Variants in CUL3 observed in about 807,000 individuals in gnomAD.
CUL3 encodes cullin-3.
Under a neutral mutation model 89.1 loss-of-function variants are expected in CUL3, and 19 were observed. The ratio of observed to expected loss-of-function variants is 0.21; its 90% CI spans 0.15 to 0.31. The LOEUF is 0.31. CUL3 is among the 10% of genes least tolerant of loss of function. The probability of loss-of-function intolerance (pLI) is 1.00; values close to 1 mark genes in which losing one functional copy is unlikely to be tolerated. For missense variants in CUL3, 469 were observed against 942.3 expected (o/e 0.50, Z 6.58); for synonymous variants, 351 against 308.4 (o/e 1.14, Z -1.45).
chr2:224,496,629 A>C (rs1692179729), intron 12 of CUL3, among the ~76,000 whole-genome samples: 1 of 152,078 alleles, frequency 6.6e-6, no homozygotes, highest in Admixed American at 6.6e-5. Context: ...TACCACCAAA[A>C]GTAACAGGAT....
rs1315042492 is a variant in CUL3, at chr2:224,470,297, T to C, written c.*3948A>G. The C allele has an allele frequency of 8.9e-6, 2 of 225,100 alleles. No individual in the cohort carries two copies. Among genetic ancestry groups the C allele is most frequent in the Admixed American group, 5.7e-5 (1 of 17,516 alleles). 13.9% of individuals were successfully genotyped at this position (225,100 alleles called of 1,614,324 possible). On this transcript the variant is annotated 3_prime_UTR_variant, in exon 16 of 16. Transcript: ENST00000264414. ...ATACACGTTTACTTTGAGCTGCTCA[T>C]GTATAATTTTAAAGCTATTTTTGCA...
intron 1 of CUL3, among the ~76,000 whole-genome samples, chr2:224,565,588 G>A (rs1463863545): frequency 6.6e-6 from 1 of 152,168 alleles, no homozygotes; most frequent in Non-Finnish European, 1.5e-5. Context: ...AGTCCATGTC[G>A]TAAAAGTCAA....
At chr2:224,516,220 G>C (rs1693038004) in intron 3 of CUL3, among the ~76,000 whole-genome samples, 1 of 151,842 alleles carries the variant, frequency 6.6e-6, no homozygotes, top group African/African-American at 2.4e-5. Flanking sequence ...AGTTCAAAAT[G>C]CTTATTGATG....
intron 1 of CUL3, among the ~76,000 whole-genome samples, chr2:224,558,678 C>G (rs984900529): frequency 6.6e-6 from 1 of 152,118 alleles, no homozygotes; most frequent in African/African-American, 2.4e-5. Context: ...TTAACAAGAA[C>G]CCAATGTAAT....
At chr2:224,577,015 T>C (rs1367780198) in intron 1 of CUL3, among the ~76,000 whole-genome samples, 1 of 152,206 alleles carries the variant, frequency 6.6e-6, no homozygotes, top group Non-Finnish European at 1.5e-5. Context: ...ACTTAAGTTC[T>C]AGAAGTTGTA....
rs1001935585 is a variant in CUL3, at chr2:224,473,867, A to G, written c.*378T>C. 4.6e-6 allele frequency: 1 copy of G among 216,254 alleles called. No individual in the cohort carries two copies. The highest frequency in any genetic ancestry group is 9.3e-6 in the Non-Finnish European group (1 of 107,290). 13.4% of individuals were successfully genotyped at this position (216,254 alleles called of 1,614,324 possible). A position where few individuals can be genotyped will look rare whatever the true frequency, so the allele number is the denominator to read the frequency against. On this transcript the variant is annotated 3_prime_UTR_variant, in exon 16 of 16. Coordinates refer to ENST00000264414, the MANE Select transcript of CUL3 (RefSeq NM_003590.5). ...CACAATGCGCAAAGTGCTAAGCAACACTACAAAACACATTTACATCAACAC... is the reference window on the plus strand; with the variant it reads ...CACAATGCGCAAAGTGCTAAGCAACGCTACAAAACACATTTACATCAACAC...
At chr2:224,539,375 CTTTGGAAGGCAG>C (rs1463687382) in intron 2 of CUL3, among the ~76,000 whole-genome samples, 3 of 152,326 alleles carry the variant, frequency 2.0e-5, no homozygotes, top group South Asian at 2.1e-4. Context: ...GGTACAGTCA[CTTTGGAAGGCAG>C]TTTGGCAGTT....
chr2:224,509,274 C>T (rs1399824048), intron 6 of CUL3, among the ~76,000 whole-genome samples: 1 of 152,110 alleles, frequency 6.6e-6, no homozygotes, highest in African/African-American at 2.4e-5. Flanking sequence ...AGTGCAGTGG[C>T]ATCATCTTGG....
intron 2 of CUL3, among the ~76,000 whole-genome samples, chr2:224,537,380 T>A (rs535950716): frequency 6.6e-6 from 1 of 152,194 alleles, no homozygotes; most frequent in Non-Finnish European, 1.5e-5. Context: ...CCACATAATT[T>A]AGAATTTTAT....
intron 3 of CUL3, among the ~76,000 whole-genome samples, chr2:224,515,931 C>G (rs1406802829): frequency 6.6e-6 from 1 of 152,122 alleles, no homozygotes; most frequent in Non-Finnish European, 1.5e-5. Flanking sequence ...CTCAAGTGAT[C>G]TGCCCACCTT....
chr2:224,520,076 C>T (rs938897574), intron 3 of CUL3, among the ~76,000 whole-genome samples: 3 of 152,130 alleles, frequency 2.0e-5, no homozygotes, highest in African/African-American at 7.2e-5. Flanking sequence ...AAGTTGGTGG[C>T]TTTTTCTACT....
At chr2:224,554,412 G>GT (rs1206391725) in intron 2 of CUL3, among the ~76,000 whole-genome samples, 1 of 152,156 alleles carries the variant, frequency 6.6e-6, no homozygotes, top group Non-Finnish European at 1.5e-5. Context: ...TTTACAGACA[G>GT]TAAGTCCATT....
At position 224,585,048 on chromosome 2, in the gene CUL3, C is replaced by G; in HGVS notation, c.-39G>C. The G allele has an allele frequency of 6.9e-7, 1 of 1,454,836 alleles. No homozygotes were observed. The highest frequency in any genetic ancestry group is 9.2e-7 in the Non-Finnish European group (1 of 1,084,338). 90.1% of individuals were successfully genotyped at this position (1,454,836 alleles called of 1,614,324 possible). On this transcript the variant is annotated 5_prime_UTR_variant, in exon 1 of 16. Transcript: ENST00000264414. The stretch of plus-strand genomic sequence containing the variant: ...TCCCCGGCGGCGGCTTCAGGTCGCG[C>G]TCCGCGACGCCGGTGTCACATTTAA...
chr2:224,565,311 C>T lies in CUL3; in HGVS notation c.67-7455G>A, dbSNP rs572282077. Among the ~76,000 whole-genome samples the T allele has an allele frequency of 5.9e-5, 9 of 152,204 alleles. 1 individual carries two copies. The South Asian group carries it at 1.9e-3, about 32-fold the overall frequency. On this transcript the variant is annotated intron_variant, in intron 1 of 15. Transcript: ENST00000264414. ...AGTGGAAGTGGATTGTCATAAAGGTCCCCATCCTTCTGGTCTTCACATTCA... is the reference window on the plus strand; with the variant it reads ...AGTGGAAGTGGATTGTCATAAAGGTTCCCATCCTTCTGGTCTTCACATTCA...
At chr2:224,574,462 A>G (rs1695254421) in intron 1 of CUL3, among the ~76,000 whole-genome samples, 1 of 152,232 alleles carries the variant, frequency 6.6e-6, no homozygotes, top group African/African-American at 2.4e-5. Context: ...AAAAAGATTC[A>G]TTAATAATTA....
chr2:224,497,781 T>C lies in CUL3; in HGVS notation c.1679A>G (p.Asn560Ser). 1.2e-6 allele frequency: 2 copies of C among 1,613,850 alleles called. No homozygotes were observed. The highest frequency in any genetic ancestry group is 1.7e-6 in the Non-Finnish European group (2 of 1,179,742). Residue 560 changes from asparagine to serine, a missense_variant, in exon 12 of 16, where the codon AAT becomes AGT. This residue lies in a region of CUL3 where 370 missense variants were observed against 733.2 expected (regional missense o/e 0.50). Coordinates refer to ENST00000264414, the MANE Select transcript of CUL3 (RefSeq NM_003590.5). ...TTTAACTGGTCCATAAAATGTGGCA[T>C]TGAGATCTGCAGAACCCATATGATG... ...LQHHMGSADL[N>S]ATFYGPVKKE...
chr2:224,579,968 A>T (rs1695395859), intron 1 of CUL3, among the ~76,000 whole-genome samples: 1 of 152,222 alleles, frequency 6.6e-6, no homozygotes, highest in African/African-American at 2.4e-5. Flanking sequence ...TGATTTTTCA[A>T]AGATAAAGAT....
chr2:224,520,945 G>C (rs1279169866), intron 3 of CUL3, among the ~76,000 whole-genome samples: 1 of 152,188 alleles, frequency 6.6e-6, no homozygotes, highest in Non-Finnish European at 1.5e-5. Flanking sequence ...AGTTCCTATT[G>C]AAGCTAAACC....
intron 2 of CUL3, among the ~76,000 whole-genome samples, chr2:224,546,120 G>A (rs1694282997): frequency 1.3e-5 from 2 of 152,018 alleles, no homozygotes; most frequent in African/African-American, 4.8e-5. Context: ...ATGACTTATC[G>A]TTTGTAAAGT....
Sources: gnomAD v4.1 joint callset for allele counts (sites outside exome capture counted in the v4.1 genomes callset) on GRCh38, gnomAD v4.1.1 for gene constraint, gnomAD v4.1.1 regional missense constraint, MANE v1.5 for transcripts, NCBI Gene and HGNC (gene_info 2026-07-23, HGNC 2026-07-21) for gene names.